The following DPYD variants were observed in gnomAD, a reference collection of about 807,000 sequenced individuals.
DPYD encodes dihydropyrimidine dehydrogenase.
Under a neutral mutation model 116.2 loss-of-function variants are expected in DPYD, and 109 were observed. That is an observed-to-expected ratio of 0.94 (90% CI 0.80 to 1.10). The LOEUF (loss-of-function observed/expected upper bound fraction) is 1.10, where lower values mean the gene tolerates loss of function less well. Among genes scored for constraint, DPYD ranks in the 50% least tolerant of loss-of-function variants. DPYD has a pLI of 0.00. For missense variants in DPYD, 1,302 were observed against 1,254.5 expected (o/e 1.04, Z -0.57); for synonymous variants, 440 against 432.0 (o/e 1.02, Z -0.23).
At chr1:97,597,434 C>G (rs774529199) in intron 8 of DPYD, among the ~76,000 whole-genome samples, 7 of 152,126 alleles carry the variant, frequency 4.6e-5, no homozygotes, top group Non-Finnish European at 8.8e-5. Context: ...TGGTATGAGT[C>G]CTTCCTCTCT....
intron 12 of DPYD, among the ~76,000 whole-genome samples, chr1:97,548,387 T>A (rs1651060094): frequency 6.6e-6 from 1 of 152,160 alleles, no homozygotes; most frequent in Admixed American, 6.6e-5. Context: ...CAGCTTCACA[T>A]CTCATCATTT....
intron 19 of DPYD, among the ~76,000 whole-genome samples, chr1:97,222,046 C>A (rs1357101687): frequency 6.6e-6 from 1 of 151,876 alleles, no homozygotes; most frequent in Non-Finnish European, 1.5e-5. Flanking sequence ...AGGAAAGGAA[C>A]AAAGATATAC....
At chr1:97,288,945 C>T (rs1045321032) in intron 18 of DPYD, among the ~76,000 whole-genome samples, 5 of 151,528 alleles carry the variant, frequency 3.3e-5, no homozygotes, top group African/African-American at 1.2e-4. Context: ...GCTAGCAAGA[C>T]TAATAAAGAA....
chr1:97,644,698 T>A (rs1408429931), intron 8 of DPYD, among the ~76,000 whole-genome samples: 1 of 151,830 alleles, frequency 6.6e-6, no homozygotes, highest in Non-Finnish European at 1.5e-5. Flanking sequence ...GACCTCATGA[T>A]CTGCCCACCT....
chr1:97,376,282 C>T (rs556863737), intron 15 of DPYD, among the ~76,000 whole-genome samples: 1 of 152,160 alleles, frequency 6.6e-6, no homozygotes, highest in Non-Finnish European at 1.5e-5. Flanking sequence ...CTGGAGTTGT[C>T]ATAGTGTGTT....
chr1:97,499,008 T>G (rs1191133011), intron 13 of DPYD, among the ~76,000 whole-genome samples: 3 of 151,720 alleles, frequency 2.0e-5, no homozygotes, highest in Non-Finnish European at 4.4e-5. Context: ...TATGTAAACC[T>G]TTATAACTTA....
chr1:97,472,008 T>C (rs922361541), intron 13 of DPYD, among the ~76,000 whole-genome samples: 1 of 152,202 alleles, frequency 6.6e-6, no homozygotes, highest in African/African-American at 2.4e-5. Flanking sequence ...ACAGGTCATA[T>C]GAGAAACAGT....
chr1:97,672,062 A>G (rs970528855), intron 8 of DPYD, among the ~76,000 whole-genome samples: 2 of 150,490 alleles, frequency 1.3e-5, no homozygotes, highest in Non-Finnish European at 3.0e-5. Flanking sequence ...TAATCAAACT[A>G]TTTAGGAATC....
intron 6 of DPYD, among the ~76,000 whole-genome samples, chr1:97,694,295 TG>T (rs1661180659): frequency 6.6e-6 from 1 of 152,144 alleles, no homozygotes; most frequent in Non-Finnish European, 1.5e-5. Context: ...TTGTGAAAAA[TG>T]TGACGTTTTT....
At chr1:97,578,399 C>G (rs1416642003) in intron 10 of DPYD, among the ~76,000 whole-genome samples, 1 of 152,008 alleles carries the variant, frequency 6.6e-6, no homozygotes. Flanking sequence ...CCGCACTGGG[C>G]ATCATCATGA....
At chr1:97,804,351 G>A (rs886344612) in intron 3 of DPYD, among the ~76,000 whole-genome samples, 1 of 151,696 alleles carries the variant, frequency 6.6e-6, no homozygotes, top group East Asian at 1.9e-4. Flanking sequence ...ACACGCTTGT[G>A]AGTAGTGAAA....
At chr1:97,707,306 A>T (rs1425080702) in intron 5 of DPYD, among the ~76,000 whole-genome samples, 1 of 151,926 alleles carries the variant, frequency 6.6e-6, no homozygotes, top group Non-Finnish European at 1.5e-5. Flanking sequence ...TATTTTTTTT[A>T]TTATACTTTA....
At chr1:97,079,372 G>A (rs1339958387) in intron 22 of DPYD, among the ~76,000 whole-genome samples, 1 of 152,034 alleles carries the variant, frequency 6.6e-6, no homozygotes, top group East Asian at 1.9e-4. Context: ...ATTCCTTAGG[G>A]GTATTTTTCT....
intron 20 of DPYD, among the ~76,000 whole-genome samples, chr1:97,114,651 T>G (rs1651837954): frequency 6.6e-6 from 1 of 152,238 alleles, no homozygotes; most frequent in South Asian, 2.1e-4. Flanking sequence ...AAGAGAAAGA[T>G]ACACAGGACA....
At chr1:97,859,069 T>C (rs138629886) in intron 2 of DPYD, among the ~76,000 whole-genome samples, 91 of 152,296 alleles carry the variant, frequency 6.0e-4, no homozygotes, top group Non-Finnish European at 1.3e-4. Context: ...CCTTTTTGAA[T>C]CATTTCCTTC....
intron 16 of DPYD, among the ~76,000 whole-genome samples, chr1:97,355,964 A>G (rs2101371968): frequency 6.6e-6 from 1 of 152,270 alleles, no homozygotes; most frequent in South Asian, 2.1e-4. Context: ...GGATTGTTGG[A>G]TCATATGGTA....
intron 8 of DPYD, among the ~76,000 whole-genome samples, chr1:97,638,983 G>A (rs1657728612): frequency 6.6e-6 from 1 of 152,024 alleles, no homozygotes; most frequent in Non-Finnish European, 1.5e-5. Context: ...GTATCATAAC[G>A]GTTTCAATAT....
At chr1:97,158,069 T>A (rs906068673) in intron 20 of DPYD, among the ~76,000 whole-genome samples, 3 of 152,120 alleles carry the variant, frequency 2.0e-5, no homozygotes, top group African/African-American at 7.2e-5. Context: ...AAAATGACCC[T>A]GAAAAGTACA....
intron 3 of DPYD, among the ~76,000 whole-genome samples, chr1:97,749,164 G>A (rs1664731259): frequency 6.6e-6 from 1 of 152,068 alleles, no homozygotes; most frequent in Admixed American, 6.5e-5. Context: ...ATGTTCCAGG[G>A]TAAGGCAGCA....
Sources: allele counts gnomAD v4.1 joint callset (sites outside exome capture counted in the v4.1 genomes callset), GRCh38; gene constraint gnomAD v4.1.1; transcripts MANE v1.5; gene names NCBI Gene and HGNC (gene_info 2026-07-23, HGNC 2026-07-21).